Variants in KAZN observed in about 807,000 individuals in gnomAD.
The protein encoded by KAZN is kazrin.
In KAZN, 40 loss-of-function variants were observed where a neutral mutation model predicts 87.4. That is an observed-to-expected ratio of 0.46 (90% CI 0.36 to 0.60). KAZN has a LOEUF of 0.60. Among genes scored for constraint, KAZN ranks in the 20% least tolerant of loss-of-function variants. The probability of loss-of-function intolerance (pLI) is 0.00; values close to 1 mark genes in which losing one functional copy is unlikely to be tolerated. For synonymous variants in KAZN, 466 were observed against 458.3 expected, an observed-to-expected ratio of 1.02 and a Z score of -0.22; for missense variants, 898 against 1,073.9, an observed-to-expected ratio of 0.84 and a Z score of 2.29.
Position 14,662,371 on chromosome 1 carries a change from G to C in KAZN, c.226+63148G>C, listed in dbSNP as rs138710914. On this transcript the variant is annotated intron_variant, in intron 1 of 14. Transcript: ENST00000376030. ...GTTTACTTGATACTAAGCCCCAAGA[G>C]TGGGCAGAGACACCCCATGAAGCTT... 1.7e-3 allele frequency among the ~76,000 whole-genome samples: 257 copies of C among 152,246 alleles called. 4 individuals are homozygous for C. The South Asian group carries it at 0.023, about 14-fold the overall frequency.
chr1:13,975,368 T>C (rs190809299), intron 1 of KAZN, among the ~76,000 whole-genome samples: 1 of 152,148 alleles, frequency 6.6e-6, no homozygotes, highest in Non-Finnish European at 1.5e-5. Flanking sequence ...ATTCTAAGAG[T>C]ATCTTTGAGT....
chr1:14,945,354 C>T (rs1661633410), intron 1 of KAZN, among the ~76,000 whole-genome samples: 2 of 152,202 alleles, frequency 1.3e-5, no homozygotes, highest in Non-Finnish European at 2.9e-5. Context: ...TGTGGGAAAA[C>T]GTCCCAGGCC....
intron 2 of KAZN, among the ~76,000 whole-genome samples, chr1:14,398,433 G>A (rs945796501): frequency 3.3e-5 from 5 of 152,200 alleles, no homozygotes; most frequent in East Asian, 1.9e-4. Flanking sequence ...AGGATCGAAT[G>A]GGTTAATGCA....
At chr1:14,411,580 G>A (rs954504236) in intron 2 of KAZN, among the ~76,000 whole-genome samples, 5 of 152,216 alleles carry the variant, frequency 3.3e-5, no homozygotes, top group Admixed American at 2.0e-4. Context: ...GATTACAGGC[G>A]TGAGCCACCG....
rs1394301978 is a variant in KAZN at position 14,837,027 on chromosome 1, T to C, written c.227-123657T>C. 1.3e-5 allele frequency among the ~76,000 whole-genome samples: 2 copies of C among 152,180 alleles called. 1 individual carries two copies. The highest frequency in any genetic ancestry group is 2.9e-5 in the Non-Finnish European group (2 of 68,040). On this transcript the variant is annotated intron_variant, in intron 1 of 14. Transcript: ENST00000376030. The stretch of plus-strand genomic sequence containing the variant: ...AATTACACAGCAGTTCTGTCCTGAA[T>C]GTTGTCTTTCTCATTTCTTTGCTTG...
rs556263489 is a variant in KAZN at position 14,701,970 on chromosome 1, G to A, written c.226+102747G>A. On this transcript the variant is annotated intron_variant, in intron 1 of 14. Coordinates refer to ENST00000376030, the MANE Select transcript of KAZN (RefSeq NM_201628.3). Reference sequence around the variant, plus strand: ...GCCTCCCTGATTGTCAGCATACCCTGTGTGTGTCCCCTCTCATTACTGGAG... The same window carrying A: ...GCCTCCCTGATTGTCAGCATACCCTATGTGTGTCCCCTCTCATTACTGGAG... 2.0e-5 allele frequency among the ~76,000 whole-genome samples: 3 copies of A among 152,174 alleles called. No individual in the cohort carries two copies. The East Asian group carries it at 5.8e-4, about 30-fold the overall frequency.
At chr1:14,091,625 A>G (rs1339338408) in intron 1 of KAZN, among the ~76,000 whole-genome samples, 1 of 152,232 alleles carries the variant, frequency 6.6e-6, no homozygotes, top group Non-Finnish European at 1.5e-5. Flanking sequence ...GAATGTCAAC[A>G]TTTTGATAAT....
intron 1 of KAZN, among the ~76,000 whole-genome samples, chr1:14,940,980 A>G (rs1054112078): frequency 3.0e-5 from 4 of 134,996 alleles, no homozygotes; most frequent in Admixed American, 2.7e-4. Context: ...CAGTGGTGCA[A>G]TCTCGGCTCA....
At chr1:14,634,156 T>C (rs544568075) in intron 1 of KAZN, among the ~76,000 whole-genome samples, 5 of 152,294 alleles carry the variant, frequency 3.3e-5, no homozygotes, top group Middle Eastern at 3.4e-3. Context: ...TGTGTATCTA[T>C]AAGGCAATGG....
chr1:13,908,555 T>G (rs1639530237), intron 1 of KAZN, among the ~76,000 whole-genome samples: 1 of 152,216 alleles, frequency 6.6e-6, no homozygotes, highest in Admixed American at 6.5e-5. Flanking sequence ...TTGTGGACAC[T>G]GGCAGTTGGA....
At chr1:14,670,584 G>A (rs573723001) in intron 1 of KAZN, among the ~76,000 whole-genome samples, 1 of 152,300 alleles carries the variant, frequency 6.6e-6, no homozygotes, top group Admixed American at 6.5e-5. Context: ...TTCTGATTCA[G>A]TAGATCTGGG....
At chr1:14,252,196 T>A (rs1650107172) in intron 2 of KAZN, among the ~76,000 whole-genome samples, 2 of 152,216 alleles carry the variant, frequency 1.3e-5, no homozygotes, top group South Asian at 4.1e-4. Context: ...GAGATCCAGA[T>A]GTTCCTAAGG....
intron 2 of KAZN, among the ~76,000 whole-genome samples, chr1:14,585,228 T>C (rs896629497): frequency 6.6e-6 from 1 of 152,208 alleles, no homozygotes; most frequent in Non-Finnish European, 1.5e-5. Context: ...GGTTCTTGGT[T>C]ATGGTTGCCT....
intron 2 of KAZN, among the ~76,000 whole-genome samples, chr1:14,194,797 G>A (rs914035491): frequency 1.3e-5 from 2 of 152,140 alleles, no homozygotes; most frequent in Non-Finnish European, 2.9e-5. Flanking sequence ...AGGGGGACAT[G>A]AGCCACCACT....
intron 2 of KAZN, among the ~76,000 whole-genome samples, chr1:14,298,112 C>G (rs1654266771): frequency 1.3e-5 from 2 of 152,130 alleles, no homozygotes; most frequent in African/African-American, 4.8e-5. Flanking sequence ...GTAGTCCCAA[C>G]TACTTGGGGG....
intron 1 of KAZN, among the ~76,000 whole-genome samples, chr1:14,863,000 C>T (rs1045599510): frequency 1.3e-5 from 2 of 152,186 alleles, no homozygotes; most frequent in East Asian, 1.9e-4. Flanking sequence ...AGCTGAGATT[C>T]GGTCTTAGGG....
At chr1:14,929,420 A>G (rs1290548729) in intron 1 of KAZN, among the ~76,000 whole-genome samples, 1 of 152,152 alleles carries the variant, frequency 6.6e-6, no homozygotes, top group Non-Finnish European at 1.5e-5. Flanking sequence ...TGAACTGGAC[A>G]ATTTGCCAGG....
At chr1:14,922,974 T>C (rs913200624) in intron 1 of KAZN, among the ~76,000 whole-genome samples, 4 of 152,122 alleles carry the variant, frequency 2.6e-5, no homozygotes, top group Non-Finnish European at 5.9e-5. Context: ...TTCTGACCCA[T>C]GGGCAGGAAA....
chr1:14,896,041 CTT>C (rs201188620), intron 1 of KAZN, among the ~76,000 whole-genome samples: 48 of 140,666 alleles, frequency 3.4e-4, no homozygotes, highest in African/African-American at 1.2e-3. Flanking sequence ...AAAAAGACGC[CTT>C]TTTTTTTTTT....
Sources: allele counts gnomAD v4.1 joint callset (sites outside exome capture counted in the v4.1 genomes callset), GRCh38; gene constraint gnomAD v4.1.1; transcripts MANE v1.5; gene names NCBI Gene and HGNC (gene_info 2026-07-23, HGNC 2026-07-21).